BAZ2B: variants seen among roughly 807,000 people sequenced by gnomAD.
BAZ2B encodes bromodomain adjacent to zinc finger domain 2B, also known as bromodomain adjacent to zinc finger domain protein 2B.
BAZ2B carries 91 observed loss-of-function variants against 246.0 expected under a neutral mutation model. The observed-to-expected ratio is 0.37, with a 90% CI of 0.31 to 0.44. The LOEUF (loss-of-function observed/expected upper bound fraction) is 0.44. Among genes scored for constraint, BAZ2B ranks in the 20% least tolerant of loss-of-function variants. The pLI, the probability that BAZ2B is intolerant of heterozygous loss-of-function variation, is 1.00. For missense variants in BAZ2B, 2,332 were observed against 2,533.7 expected (o/e 0.92, Z 1.71); for synonymous variants, 855 against 860.0 (o/e 0.99, Z 0.10).
chr2:159,596,145 C>A (rs1690653906), intron 1 of BAZ2B, among the ~76,000 whole-genome samples: 1 of 152,176 alleles, frequency 6.6e-6, no homozygotes, highest in Admixed American at 6.5e-5. Context: ...AGAACGGATT[C>A]TTGTGCATTT....
At chr2:159,370,841 G>C (rs1434054539) in intron 27 of BAZ2B, among the ~76,000 whole-genome samples, 1 of 151,858 alleles carries the variant, frequency 6.6e-6, no homozygotes, top group African/African-American at 2.4e-5. Flanking sequence ...CACTCCTGTT[G>C]CCCAGGCTGA....
At position 159,467,140 on chromosome 2, in the gene BAZ2B, A is replaced by G. The variant is rs78080256; in HGVS notation, c.145+11435T>C. Among the ~76,000 whole-genome samples, 171 of 152,298 alleles carry G rather than the reference A, an allele frequency of 1.1e-3. 1 individual carries two copies. The highest frequency in any genetic ancestry group is 3.9e-3 in the African/African-American group (161 of 41,566). On this transcript the variant is annotated intron_variant, in intron 3 of 36. Coordinates refer to ENST00000392783, the MANE Select transcript of BAZ2B (RefSeq NM_013450.4). ...GTATCTAAGAAGTAAAAGGTCAGGG[A>G]GGCTGAAAGATAAGGGGTCAGAATG...
At chr2:159,659,007 C>T in the BAZ2B span, among the ~76,000 whole-genome samples, 2 of 152,080 alleles carry the variant, frequency 1.3e-5, no homozygotes, top group Non-Finnish European at 2.9e-5. Flanking sequence ...CTGTACTTTC[C>T]CTTTCTTGTA....
intron 2 of BAZ2B, among the ~76,000 whole-genome samples, chr2:159,483,605 T>C (rs909815590): frequency 6.6e-6 from 1 of 152,002 alleles, no homozygotes; most frequent in African/African-American, 2.4e-5. Flanking sequence ...GGTGAAACCC[T>C]GTCTCTACTA....
At chr2:159,412,582 A>C in intron 13 of BAZ2B, 37 bp from the exon 14 acceptor site, 1 of 1,539,722 alleles carries the variant, frequency 6.5e-7, no homozygotes, top group East Asian at 2.5e-5. Context: ...ATATATTACA[A>C]ACAAAATAAA....
rs770069668 is a variant in BAZ2B at position 159,382,632 on chromosome 2, C to A, written c.3932G>T (p.Gly1311Val). ...TTCTTCATCCTCATCATCTTCATCC[C>A]CTTGGTCATCACTGTCATCGTCATC... The part of the protein sequence containing the change: ...DDDDDDSDDQ[G>V]DEDDEDEEDK... Residue 1311 changes from glycine (G) to valine (V), a missense_variant, in exon 25 of 37, where the codon GGG becomes GTG. Physicochemically the swap from Gly to Val is moderately radical, Grantham distance 109 (BLOSUM62 -3). Coordinates refer to ENST00000392783, the MANE Select transcript of BAZ2B (RefSeq NM_013450.4). The A allele has an allele frequency of 1.3e-6, 2 of 1,576,660 alleles. No individual in the cohort carries two copies. The highest frequency in any genetic ancestry group is 8.6e-7 in the Non-Finnish European group (1 of 1,158,390).
the BAZ2B span, among the ~76,000 whole-genome samples, chr2:159,667,889 G>T: frequency 3.3e-5 from 5 of 151,838 alleles, no homozygotes; most frequent in Non-Finnish European, 5.9e-5. Context: ...TTTTCACATT[G>T]ATTTTACCAT....
chr2:159,366,530 C>G (rs888643290), intron 27 of BAZ2B, among the ~76,000 whole-genome samples: 2 of 152,210 alleles, frequency 1.3e-5, no homozygotes, highest in Non-Finnish European at 2.9e-5. Flanking sequence ...CTGCAGGTGT[C>G]AAGGATACAA....
intron 3 of BAZ2B, among the ~76,000 whole-genome samples, chr2:159,469,672 C>T (rs1477626238): frequency 6.6e-6 from 1 of 151,980 alleles, no homozygotes; most frequent in Non-Finnish European, 1.5e-5. Context: ...AACTCCTGAC[C>T]TCAAGTGACC....
At chr2:159,641,071 G>A in the BAZ2B span, among the ~76,000 whole-genome samples, 9 of 152,040 alleles carry the variant, frequency 5.9e-5, no homozygotes. Context: ...GAAATTCAAA[G>A]GATCATTAGT....
At chr2:159,642,381 G>A in the BAZ2B span, among the ~76,000 whole-genome samples, 1 of 151,852 alleles carries the variant, frequency 6.6e-6, no homozygotes, top group African/African-American at 2.4e-5. Context: ...GGGATTATAG[G>A]TGCCAGCCAC....
At chr2:159,385,662 A>T (rs375484217) in intron 22 of BAZ2B, among the ~76,000 whole-genome samples, 2 of 152,260 alleles carry the variant, frequency 1.3e-5, no homozygotes, top group East Asian at 3.9e-4. Flanking sequence ...TTCCATGACT[A>T]TAAAAGCGAC....
At chr2:159,603,163 C>G (rs576556283) in intron 1 of BAZ2B, among the ~76,000 whole-genome samples, 3 of 152,208 alleles carry the variant, frequency 2.0e-5, no homozygotes, top group Admixed American at 1.3e-4. Flanking sequence ...AAACAAAAAA[C>G]TTAAATGCCC....
intron 31 of BAZ2B, among the ~76,000 whole-genome samples, chr2:159,340,123 A>AAAATAC (rs1014473750): frequency 6.6e-6 from 1 of 152,174 alleles, no homozygotes; most frequent in Non-Finnish European, 1.5e-5. Flanking sequence ...AATAAAGTAA[A>AAAATAC]AAATACAAGA....
At chr2:159,708,866 TA>T in the BAZ2B span, among the ~76,000 whole-genome samples, 826 of 152,280 alleles carry the variant, frequency 5.4e-3, 10 homozygotes, top group Admixed American at 0.023. Flanking sequence ...CTGGCCTCTA[TA>T]TCCTTTTAAA....
chr2:159,590,842 GA>G (rs1689239619), intron 1 of BAZ2B, among the ~76,000 whole-genome samples: 1 of 152,140 alleles, frequency 6.6e-6, no homozygotes, highest in Admixed American at 6.5e-5. Flanking sequence ...TACATTTCAA[GA>G]GGAAAATAAG....
chr2:159,666,374 C>T, the BAZ2B span, among the ~76,000 whole-genome samples: 1 of 151,568 alleles, frequency 6.6e-6, no homozygotes, highest in Non-Finnish European at 1.5e-5. Context: ...ATCTTCCAAC[C>T]TCAGCCTTCC....
intron 34 of BAZ2B, among the ~76,000 whole-genome samples, chr2:159,326,879 A>T (rs775883138): frequency 5.9e-5 from 9 of 152,224 alleles, no homozygotes; most frequent in African/African-American, 2.2e-4. Context: ...ATAATAGATC[A>T]TGAAAGAAAG....
chr2:159,329,272 T>C (rs780388744), intron 34 of BAZ2B, among the ~76,000 whole-genome samples: 4 of 152,138 alleles, frequency 2.6e-5, no homozygotes, highest in African/African-American at 4.8e-5. Flanking sequence ...ATTTATTGCA[T>C]AGTTTTATTG....
Sources: allele counts gnomAD v4.1 joint callset (sites outside exome capture counted in the v4.1 genomes callset), GRCh38; gene constraint gnomAD v4.1.1; transcripts MANE v1.5; gene names NCBI Gene and HGNC (gene_info 2026-07-23, HGNC 2026-07-21).